Variants in FARP2 observed in about 807,000 individuals in gnomAD.
FARP2 encodes the protein FERM, ARH/RhoGEF and pleckstrin domain protein 2, also known as FERM, ARHGEF and pleckstrin domain-containing protein 2.
A neutral mutation model predicts 130.5 loss-of-function variants in FARP2; 111 were observed. That is an observed-to-expected ratio of 0.85 (90% CI 0.73 to 1.00). The LOEUF (loss-of-function observed/expected upper bound fraction) is 1.00, where lower values mean the gene tolerates loss of function less well. FARP2 is among the 50% of genes least tolerant of loss of function. FARP2 has a pLI of 0.00. For synonymous variants in FARP2, 504 were observed against 516.9 expected (o/e 0.98, Z 0.34); for missense variants, 1,385 against 1,346.3 (o/e 1.03, Z -0.45).
At chr2:241,477,344 G>T (rs889092916) in intron 19 of FARP2, among the ~76,000 whole-genome samples, 2 of 152,028 alleles carry the variant, frequency 1.3e-5, no homozygotes, top group Admixed American at 1.3e-4. Context: ...TGGCCAGGAT[G>T]GTCTCAAGCT....
intron 3 of FARP2, among the ~76,000 whole-genome samples, chr2:241,404,370 T>C (rs148846565): frequency 5.3e-5 from 8 of 152,342 alleles, no homozygotes; most frequent in African/African-American, 1.9e-4. Context: ...TGTCCAGCCT[T>C]TCAGATACCC....
chr2:241,480,770 T>C (rs114760910), intron 19 of FARP2, among the ~76,000 whole-genome samples: 1 of 152,032 alleles, frequency 6.6e-6, no homozygotes, highest in Non-Finnish European at 1.5e-5. Flanking sequence ...CTTCTAATAG[T>C]TTTATGTTTT....
chr2:241,474,313 G>A (rs1429437411), intron 18 of FARP2, among the ~76,000 whole-genome samples: 13 of 64,840 alleles, frequency 2.0e-4, no homozygotes, highest in African/African-American at 4.7e-4. Context: ...GCGAGATTCC[G>A]TCTCAAAAAA....
At chr2:241,362,756 G>A (rs993846944) in intron 1 of FARP2, among the ~76,000 whole-genome samples, 1 of 152,148 alleles carries the variant, frequency 6.6e-6, no homozygotes, top group African/African-American at 2.4e-5. Flanking sequence ...TTTAAAGCTG[G>A]TAGTACTTCT....
At chr2:241,383,983 C>T (rs1033548178) in intron 2 of FARP2, among the ~76,000 whole-genome samples, 4 of 152,014 alleles carry the variant, frequency 2.6e-5, no homozygotes, top group African/African-American at 9.7e-5. Flanking sequence ...GCGGCCATTG[C>T]TGTGACCTTC....
chr2:241,473,289 G>A (rs1486719107), intron 18 of FARP2, among the ~76,000 whole-genome samples: 1 of 151,500 alleles, frequency 6.6e-6, no homozygotes, highest in Non-Finnish European at 1.5e-5. Context: ...ACCCTTTTCT[G>A]AGTGAGATGC....
chr2:241,397,623 A>C (rs1004313035), intron 2 of FARP2, among the ~76,000 whole-genome samples: 2 of 151,992 alleles, frequency 1.3e-5, no homozygotes. Context: ...AGGGAGGTAG[A>C]GGTTGGAGAG....
intron 18 of FARP2, among the ~76,000 whole-genome samples, chr2:241,472,820 G>T (rs551686450): frequency 6.6e-6 from 1 of 150,806 alleles, no homozygotes; most frequent in East Asian, 2.0e-4. Context: ...TGTTCTGAGG[G>T]GACGCTATTC....
intron 18 of FARP2, among the ~76,000 whole-genome samples, chr2:241,471,884 C>CTG: frequency 1.2e-5 from 1 of 86,362 alleles, no homozygotes; most frequent in Non-Finnish European, 2.6e-5. Flanking sequence ...TGTCAGGATC[C>CTG]TGTTCTGAGA....
chr2:241,372,115 T>C (rs2061437310), intron 1 of FARP2, among the ~76,000 whole-genome samples: 1 of 152,020 alleles, frequency 6.6e-6, no homozygotes, highest in Non-Finnish European at 1.5e-5. Context: ...CTTAACAGCT[T>C]GCAAGCAGAG....
At position 241,491,080 on chromosome 2, in the gene FARP2, A is replaced by C. The variant is rs61753865; in HGVS notation, c.2524A>C (p.Lys842Gln). Residue 842 changes from lysine to glutamine, a missense_variant, in exon 23 of 27, where the codon AAG (lysine) becomes CAG (glutamine). Lys to Gln is a moderately conservative substitution (Grantham distance 53, BLOSUM62 1). Coordinates refer to ENST00000264042, the MANE Select transcript of FARP2 (RefSeq NM_014808.4). Reference protein sequence around the residue: ...VAASTRLEKEKWMLDLNSAIQ... With the variant: ...VAASTRLEKEQWMLDLNSAIQ... ...CTGCAGCACTCGGCTGGAGAAAGAG[A>C]AGTGGATGCTGGACCTGAACTCCGC... is the stretch of plus-strand genomic sequence containing the variant. 505 of 1,613,430 alleles carry C rather than the reference A, an allele frequency of 3.1e-4. 3 individuals carry two copies. The African/African-American group carries it at 6.3e-3, about 20-fold the overall frequency.
At chr2:241,474,299 C>A (rs1187686948) in intron 18 of FARP2, among the ~76,000 whole-genome samples, 1 of 104,988 alleles carries the variant, frequency 9.5e-6, no homozygotes, top group Non-Finnish European at 1.7e-5. Context: ...CGACAGAGCG[C>A]AGAGCGAGAT....
chr2:241,485,378 G>A (rs191709227), intron 21 of FARP2, among the ~76,000 whole-genome samples: 1 of 136,286 alleles, frequency 7.3e-6, no homozygotes, highest in Admixed American at 7.2e-5. Flanking sequence ...TCCCTCTCTG[G>A]CATCTTCCCT....
chr2:241,372,039 A>G (rs949527333), intron 1 of FARP2, among the ~76,000 whole-genome samples: 10 of 152,172 alleles, frequency 6.6e-5, no homozygotes, highest in African/African-American at 2.4e-4. Context: ...ATATATACCC[A>G]ATTTGAATGG....
chr2:241,419,504 T>C (rs2062755181), intron 8 of FARP2, among the ~76,000 whole-genome samples: 1 of 152,222 alleles, frequency 6.6e-6, no homozygotes, highest in African/African-American at 2.4e-5. Context: ...CTCAAAACCC[T>C]GAACACAATG....
rs373040817 is a variant in FARP2, at chr2:241,366,127, A to ATATATATACG, written c.-24-6949_-24-6948insCGTATATATA. Reference sequence around the variant, plus strand: ...AAAATATATATATATATATACGTATATATATATATATACACACACACATAT... The same window carrying ATATATATACG: ...AAAATATATATATATATATACGTATATATATATACGTATATATATATACACACACACATAT... On this transcript the variant is annotated intron_variant, in intron 1 of 26. Transcript: ENST00000264042. Among the ~76,000 whole-genome samples, 111 of 136,458 alleles carry ATATATATACG rather than the reference A, an allele frequency of 8.1e-4. 2 individuals carry two copies. The highest frequency in any genetic ancestry group is 2.9e-3 in the African/African-American group (105 of 35,674). 89.5% of individuals were successfully genotyped at this position (136,458 alleles called of 152,430 possible). A position where few individuals can be genotyped will look rare whatever the true frequency, so the allele number is the denominator to read the frequency against.
chr2:241,477,242 G>C (rs1261928445), intron 19 of FARP2, among the ~76,000 whole-genome samples: 1 of 149,664 alleles, frequency 6.7e-6, no homozygotes, highest in Non-Finnish European at 1.5e-5. Context: ...TGATTCTCCT[G>C]CCTCAGCCTC....
intron 10 of FARP2, 152 bp downstream of exon 10, chr2:241,434,473 T>G: frequency 1.6e-6 from 1 of 615,748 alleles, no homozygotes. Flanking sequence ...AGAGGAAGCA[T>G]ATGAAATAAA....
At chr2:241,410,735 C>CT (rs1464631325) in intron 5 of FARP2, among the ~76,000 whole-genome samples, 4 of 152,096 alleles carry the variant, frequency 2.6e-5, no homozygotes, top group African/African-American at 9.6e-5. Context: ...TGGCCAATTT[C>CT]TTTTTTTTAT....
Sources: allele counts gnomAD v4.1 joint callset (sites outside exome capture counted in the v4.1 genomes callset), GRCh38; gene constraint gnomAD v4.1.1; transcripts MANE v1.5; gene names NCBI Gene and HGNC (gene_info 2026-07-23, HGNC 2026-07-21).